Variants in KCNH3 observed in about 807,000 individuals in gnomAD.
KCNH3 encodes potassium voltage-gated channel subfamily H member 3.
A neutral mutation model predicts 95.6 loss-of-function variants in KCNH3; 36 were observed. The ratio of observed to expected loss-of-function variants is 0.38; its 90% CI spans 0.29 to 0.50. KCNH3 has a LOEUF of 0.50. Ranked by LOEUF, KCNH3 falls within the 20% of genes least tolerant of loss-of-function variation. The pLI is 0.95. For missense variants in KCNH3, 1,030 were observed against 1,484.1 expected (o/e 0.69, Z 5.03); for synonymous variants, 620 against 646.3 (o/e 0.96, Z 0.62).
At position 49,549,656 on chromosome 12, in the gene KCNH3, C is replaced by T. The variant is rs767190206; in HGVS notation, c.1668+16C>T. On this transcript the variant is annotated intron_variant, in intron 9 of 14. Transcript: ENST00000257981. ...CACCACCGAGGTGCGGCCTCCGGGG[C>T]TGGGCCTGCTAGCCTTTGCTCCCTC... 1 of 1,601,294 alleles carries T rather than the reference C, an allele frequency of 6.2e-7. No homozygotes were observed. The highest frequency in any genetic ancestry group is 8.5e-7 in the Non-Finnish European group (1 of 1,177,654).
intron 7 of KCNH3, among the ~76,000 whole-genome samples, chr12:49,545,832 T>G (rs1041303928): frequency 2.0e-4 from 31 of 152,100 alleles, no homozygotes; most frequent in African/African-American, 7.5e-4. Context: ...AGGAGGCCTG[T>G]GTGTGTCACA....
At chr12:49,552,977 C>T (rs534342099) in intron 10 of KCNH3, among the ~76,000 whole-genome samples, 25 of 152,256 alleles carry the variant, frequency 1.6e-4, no homozygotes, top group Admixed American at 1.5e-3. Flanking sequence ...GTAGAGGAGA[C>T]GTGAGCTCAG....
chr12:49,556,672 G>A, intron 13 of KCNH3, 196 bp downstream of exon 13: 1 of 700,210 alleles, frequency 1.4e-6, no homozygotes, highest in East Asian at 2.7e-5. Flanking sequence ...TTTCGACGCA[G>A]CCAGGAACTG....
In KCNH3 at chr12:49,553,148, T is replaced by C. The variant is rs1938320771; in HGVS notation, c.1919-1189T>C. 2.0e-5 allele frequency among the ~76,000 whole-genome samples: 3 copies of C among 152,132 alleles called. No homozygotes were observed. In the South Asian group the frequency reaches 6.2e-4, roughly 32 times the overall value. On this transcript the variant is annotated intron_variant, in intron 10 of 14. Coordinates refer to ENST00000257981, the MANE Select transcript of KCNH3 (RefSeq NM_012284.3). ...GCCTATCCCTGTTGGAAATGAATTT[T>C]TTTTTTTGAGACCAGGTCTCACTGT...
At chr12:49,556,104 C>T (rs1470492295) in intron 12 of KCNH3, 153 bp downstream of exon 12, 2 of 594,960 alleles carry the variant, frequency 3.4e-6, no homozygotes, top group Non-Finnish European at 6.0e-6. Context: ...CTTCTGTGCT[C>T]CTCCTTTCTC....
At chr12:49,548,849 GC>G in intron 7 of KCNH3, 45 bp from the exon 8 acceptor site, 1 of 1,499,032 alleles carries the variant, frequency 6.7e-7, no homozygotes. Context: ...CGGCATCCTC[GC>G]CCACAGTCTT....
chr12:49,541,419 G>A lies in KCNH3; in HGVS notation c.311-211G>A, dbSNP rs374768150. Among the ~76,000 whole-genome samples the A allele has an allele frequency of 2.6e-5, 4 of 152,282 alleles. No individual in the cohort carries two copies. The East Asian group carries it at 7.7e-4, about 29-fold the overall frequency. On this transcript the variant is annotated intron_variant, in intron 2 of 14. Coordinates refer to ENST00000257981, the MANE Select transcript of KCNH3 (RefSeq NM_012284.3). ...TTTCGGCAGGGCAGATCTACCACAC[G>A]ACAGGTCTGACCGTCATGTTTGCTC...
In KCNH3 at chr12:49,541,150, C is replaced by T. The variant is rs1937857223; in HGVS notation, c.310+18C>T. ...GAAGAGCGGTGAGGGGCCACCTGGCCAGCCTGCCTCACCTTTGCAGTCTCA... is the reference window on the plus strand; with the variant it reads ...GAAGAGCGGTGAGGGGCCACCTGGCTAGCCTGCCTCACCTTTGCAGTCTCA... On this transcript the variant is annotated intron_variant, in intron 2 of 14. Transcript: ENST00000257981. The T allele has an allele frequency of 6.3e-7, 1 of 1,579,676 alleles. No individual in the cohort carries two copies. The highest frequency in any genetic ancestry group is 8.6e-7 in the Non-Finnish European group (1 of 1,164,126).
At chr12:49,542,194 G>T (rs1937893959) in intron 3 of KCNH3, among the ~76,000 whole-genome samples, 1 of 152,178 alleles carries the variant, frequency 6.6e-6, no homozygotes, top group Non-Finnish European at 1.5e-5. Context: ...AGGCCTTTGG[G>T]CAGGTTACAA....
At chr12:49,541,893 A>AGTGG in intron 3 of KCNH3, 129 bp downstream of exon 3, 3 of 966,808 alleles carry the variant, frequency 3.1e-6, no homozygotes, top group Non-Finnish European at 4.7e-6. Context: ...AGGCTGCCTG[A>AGTGG]GAGGCCTGTG....
In KCNH3 at chr12:49,554,360, G is replaced by A. The variant is rs1272362932; in HGVS notation, c.1942G>A (p.Glu648Lys). 1 of 1,613,452 alleles carries A rather than the reference G, an allele frequency of 6.2e-7. No homozygotes were observed. Among genetic ancestry groups the A allele is most frequent in the Non-Finnish European group, 8.5e-7 (1 of 1,180,034 alleles). Residue 648 changes from glutamate (E) to lysine (K), a missense_variant, in exon 11 of 15, where the codon GAG becomes AAG. By Grantham distance (56) the Glu-to-Lys change is moderately conservative. This residue lies in a region of KCNH3 where 160 missense variants were observed against 316.2 expected (regional missense o/e 0.51). Coordinates refer to ENST00000257981, the MANE Select transcript of KCNH3 (RefSeq NM_012284.3). Reference protein sequence around the residue: ...ILGKGDLIGCELPRREQVVKA... With the variant: ...ILGKGDLIGCKLPRREQVVKA... ...AGGGAAGGGCGACCTGATCGGCTGT[G>A]AGCTGCCCCGGCGGGAGCAGGTGGT... is the stretch of plus-strand genomic sequence containing the variant.
At chr12:49,550,359 G>A (rs1938218840) in intron 10 of KCNH3, 30 bp downstream of exon 10, 1 of 1,577,784 alleles carries the variant, frequency 6.3e-7, no homozygotes, top group African/African-American at 1.3e-5. Flanking sequence ...AGGGCGTGGG[G>A]GCACGTGTGT....
At chr12:49,540,694 C>G (rs1021348184) in intron 1 of KCNH3, among the ~76,000 whole-genome samples, 33 of 152,358 alleles carry the variant, frequency 2.2e-4, no homozygotes, top group African/African-American at 7.9e-4. Flanking sequence ...TGTGCTGATC[C>G]TTGAATGTAC....
In KCNH3 at chr12:49,542,856, G is replaced by A; in HGVS notation, c.579+17G>A. 1 of 1,604,086 alleles carries A rather than the reference G, an allele frequency of 6.2e-7. No homozygotes were observed. The highest frequency in any genetic ancestry group is 8.5e-7 in the Non-Finnish European group (1 of 1,176,704). ...CTCAATAAGGTGGGCTCAGCCCTGG[G>A]ATGTGTGGGAGAGGGGAGGGGCAGA... On this transcript the variant is annotated intron_variant, in intron 4 of 14. Transcript: ENST00000257981.
intron 1 of KCNH3, 112 bp from the exon 2 acceptor site, chr12:49,540,787 A>C (rs1351449987): frequency 5.1e-6 from 4 of 782,740 alleles, no homozygotes; most frequent in Non-Finnish European, 8.5e-6. Context: ...CACACGCAGG[A>C]TTCCTGGGGT....
Position 49,557,478 on chromosome 12 carries a change from C to A in KCNH3, c.2777C>A (p.Pro926Gln). 1 of 1,611,220 alleles carries A rather than the reference C, an allele frequency of 6.2e-7. No homozygotes were observed. The highest frequency in any genetic ancestry group is 8.5e-7 in the Non-Finnish European group (1 of 1,179,504). ...GPCPRASGEGPCPASTSGLLQ... is the reference protein window; with the variant it reads ...GPCPRASGEGQCPASTSGLLQ... Reference sequence around the variant, plus strand: ...TGCCCTCGGGCATCGGGAGAGGGGCCGTGCCCAGCCAGCACCTCCGGGCTT... The same window carrying A: ...TGCCCTCGGGCATCGGGAGAGGGGCAGTGCCCAGCCAGCACCTCCGGGCTT... The change falls in exon 15 of 15, where the codon CCG (proline) becomes CAG (glutamine). Residue 926 changes from proline (P) to glutamine (Q), a missense_variant. By Grantham distance (76) the Pro-to-Gln change is moderately conservative. Transcript: ENST00000257981.
chr12:49,556,517 C>T (rs1428064140), intron 13 of KCNH3, 41 bp downstream of exon 13: 3 of 1,426,504 alleles, frequency 2.1e-6, no homozygotes, highest in Non-Finnish European at 3.0e-6. Flanking sequence ...TGGGGCAGCC[C>T]CTTTGCCTTG....
chr12:49,557,738 A>G lies in KCNH3; in HGVS notation c.3037A>G (p.Ser1013Gly). Residue 1013 changes from serine to glycine, a missense_variant, in exon 15 of 15, where the codon AGC (serine) becomes GGC (glycine). Ser to Gly is a moderately conservative substitution (Grantham distance 56). Transcript: ENST00000257981. ...CTCAGGAGACCTCTGCTCTGAGCCC[A>G]GCACCCCTGCCTCCCCTCCTCCTTC... ...PASGDLCSEP[S>G]TPASPPPSEE... is the part of the protein sequence containing the mutation. 6.2e-7 allele frequency: 1 copy of G among 1,613,522 alleles called. No individual in the cohort carries two copies. Among genetic ancestry groups the G allele is most frequent in the South Asian group, 1.1e-5 (1 of 91,076 alleles).
At chr12:49,541,153 C>G (rs777196024) in intron 2 of KCNH3, 21 bp downstream of exon 2, 4 of 1,573,096 alleles carry the variant, frequency 2.5e-6, no homozygotes, top group Non-Finnish European at 3.5e-6. Context: ...ACCTGGCCAG[C>G]CTGCCTCACC....
Sources: allele counts gnomAD v4.1 joint callset (sites outside exome capture counted in the v4.1 genomes callset), GRCh38; gene constraint gnomAD v4.1.1; regional missense constraint gnomAD v4.1.1; transcripts MANE v1.5; gene names NCBI Gene and HGNC (gene_info 2026-07-23, HGNC 2026-07-21).